The following SLC22A23 variants were observed in gnomAD, a reference collection of about 807,000 sequenced individuals.
SLC22A23 encodes the protein ion transporter protein.
In SLC22A23, 26 loss-of-function variants were observed where a neutral mutation model predicts 61.0. That is an observed-to-expected ratio of 0.43 (90% CI 0.31 to 0.59). The LOEUF is 0.59. Ranked by LOEUF, SLC22A23 falls within the 20% of genes least tolerant of loss-of-function variation. The pLI, the probability that SLC22A23 is intolerant of heterozygous loss-of-function variation, is 0.11. For missense variants in SLC22A23, 796 were observed against 934.7 expected, an observed-to-expected ratio of 0.85 and a Z score of 1.94; for synonymous variants, 430 against 413.9, an observed-to-expected ratio of 1.04 and a Z score of -0.47.
chr6:3,405,780 T>C (rs754986184), intron 3 of SLC22A23, among the ~76,000 whole-genome samples: 54 of 152,176 alleles, frequency 3.5e-4, no homozygotes, highest in Non-Finnish European at 5.9e-4. Flanking sequence ...ACATTAGAAA[T>C]TACTCAATCA....
At chr6:3,368,449 C>A (rs910389549) in intron 3 of SLC22A23, among the ~76,000 whole-genome samples, 1 of 152,106 alleles carries the variant, frequency 6.6e-6, no homozygotes, top group African/African-American at 2.4e-5. Flanking sequence ...GGGGAAGGAC[C>A]CGTAGCTGCC....
chr6:3,272,974 T>G lies in SLC22A23; in HGVS notation c.*81A>C, dbSNP rs1027179670. 97 of 1,300,466 alleles carry G rather than the reference T, an allele frequency of 7.5e-5. No homozygotes were observed. The African/African-American group carries it at 7.9e-4, about 11-fold the overall frequency. 80.6% of individuals were successfully genotyped at this position (1,300,466 alleles called of 1,614,324 possible). A position where few individuals can be genotyped will look rare whatever the true frequency, so the allele number is the denominator to read the frequency against. On this transcript the variant is annotated 3_prime_UTR_variant, in exon 10 of 10. Coordinates refer to ENST00000406686, the MANE Select transcript of SLC22A23 (RefSeq NM_015482.2). ...TTGGCTGAGGCAGCTTTCCCACCCC[T>G]GGCTGCGTGTTCGGTCCCTGGTCTG...
At chr6:3,399,627 G>A (rs377583860) in intron 3 of SLC22A23, among the ~76,000 whole-genome samples, 23 of 152,160 alleles carry the variant, frequency 1.5e-4, no homozygotes, top group Non-Finnish European at 2.1e-4. Flanking sequence ...GTTTACAGGC[G>A]TTTTTAGGGA....
chr6:3,404,076 A>G (rs1768624360), intron 3 of SLC22A23, among the ~76,000 whole-genome samples: 1 of 152,236 alleles, frequency 6.6e-6, no homozygotes, highest in Non-Finnish European at 1.5e-5. Context: ...TCCAGTCTGG[A>G]AAAAACCTAG....
At chr6:3,444,710 C>A in intron 1 of SLC22A23, 1 of 794,624 alleles carries the variant, frequency 1.3e-6, no homozygotes, top group Non-Finnish European at 1.5e-6. Flanking sequence ...GCCCGGTGAC[C>A]TGTTTTGTTT....
intron 3 of SLC22A23, among the ~76,000 whole-genome samples, chr6:3,338,416 G>A (rs998720129): frequency 2.0e-5 from 3 of 152,214 alleles, no homozygotes; most frequent in Non-Finnish European, 2.9e-5. Flanking sequence ...TGCAACCTCC[G>A]CCTCCCGGGT....
intron 4 of SLC22A23, among the ~76,000 whole-genome samples, chr6:3,307,941 C>T (rs1762101928): frequency 6.6e-6 from 1 of 152,150 alleles, no homozygotes; most frequent in Non-Finnish European, 1.5e-5. Flanking sequence ...ATGGGAGAAC[C>T]TAGAGGACAC....
At chr6:3,320,314 C>T (rs1397764546) in intron 4 of SLC22A23, among the ~76,000 whole-genome samples, 4 of 152,116 alleles carry the variant, frequency 2.6e-5, no homozygotes, top group Admixed American at 2.0e-4. Flanking sequence ...TCTACCATCT[C>T]GACCAGAAGA....
At chr6:3,379,831 A>C (rs1188126382) in intron 3 of SLC22A23, among the ~76,000 whole-genome samples, 3 of 152,236 alleles carry the variant, frequency 2.0e-5, no homozygotes, top group South Asian at 2.1e-4. Flanking sequence ...AGCTCCCAGC[A>C]GGGGCTTCAA....
intron 1 of SLC22A23, among the ~76,000 whole-genome samples, chr6:3,416,884 G>T (rs1212496162): frequency 1.3e-5 from 2 of 152,238 alleles, no homozygotes; most frequent in African/African-American, 4.8e-5. Flanking sequence ...GAGGTGTTCT[G>T]GGAGCAGAGG....
In SLC22A23 at chr6:3,414,031, G is replaced by A. The variant is rs924206852; in HGVS notation, c.758+1721C>T. Among the ~76,000 whole-genome samples the A allele has an allele frequency of 6.6e-6, 1 of 152,208 alleles. No homozygotes were observed. The highest frequency in any genetic ancestry group is 2.4e-5 in the African/African-American group (1 of 41,446). On this transcript the variant is annotated intron_variant, in intron 2 of 9. Coordinates refer to ENST00000406686, the MANE Select transcript of SLC22A23 (RefSeq NM_015482.2). This position sits in a 1 kb window ranked among gnomAD's most constrained non-coding sequence, Gnocchi z 5.1. Reference sequence around the variant, plus strand: ...AAGACCCAAACTCTTTTGTCCTCAGGCCTGGTGTGTGATCAGGGAGGCCAC... The same window carrying A: ...AAGACCCAAACTCTTTTGTCCTCAGACCTGGTGTGTGATCAGGGAGGCCAC...
intron 3 of SLC22A23, among the ~76,000 whole-genome samples, chr6:3,406,525 C>CCT (rs1182400013): frequency 6.9e-5 from 6 of 87,518 alleles, no homozygotes; most frequent in African/African-American, 3.4e-4. Flanking sequence ...TTTTCGACTG[C>CCT]CTGTGTGTGT....
intron 4 of SLC22A23, among the ~76,000 whole-genome samples, chr6:3,319,001 A>T (rs1762797964): frequency 6.6e-6 from 1 of 152,172 alleles, no homozygotes; most frequent in Non-Finnish European, 1.5e-5. Flanking sequence ...AGGCACCAGG[A>T]TGTCACACAG....
At chr6:3,275,828 C>T (rs556462932) in intron 9 of SLC22A23, among the ~76,000 whole-genome samples, 183 of 152,340 alleles carry the variant, frequency 1.2e-3, no homozygotes, top group South Asian at 6.0e-3. Context: ...GTGATCCACC[C>T]GCCTTGGCCT....
In SLC22A23 at chr6:3,343,667, G is replaced by A. The variant is rs776045931; in HGVS notation, c.914-19665C>T. On this transcript the variant is annotated intron_variant, in intron 3 of 9. Coordinates refer to ENST00000406686, the MANE Select transcript of SLC22A23 (RefSeq NM_015482.2). ...AATACTCAGCAGCCGGCCAAATGTC[G>A]AAAGACCCTAGGTCGCTCTTGAATT... 2.6e-5 allele frequency among the ~76,000 whole-genome samples: 4 copies of A among 152,120 alleles called. No individual in the cohort carries two copies. In the South Asian group the frequency reaches 6.2e-4, roughly 24 times the overall value.
intron 1 of SLC22A23, among the ~76,000 whole-genome samples, chr6:3,443,493 C>A (rs2127553410): frequency 6.6e-6 from 1 of 152,300 alleles, no homozygotes; most frequent in East Asian, 1.9e-4. Flanking sequence ...TAATTCCACA[C>A]TCAGCTCAAG....
rs1772382673 is a variant in SLC22A23, at chr6:3,455,966, A to G, written c.594T>C (p.Cys198=). Residue 198 remains cysteine, a synonymous_variant, in exon 1 of 10, where the codon TGT becomes TGC. Coordinates refer to ENST00000406686, the MANE Select transcript of SLC22A23 (RefSeq NM_015482.2). ...PPDKGDNASN[C]DCRAWDYGIR... ...TGCCGTAGTCCCATGCGCGGCAGTC[A>G]CAGTTGGAGGCGTTGTCCCCCTTGT... 2.6e-6 allele frequency: 4 copies of G among 1,540,810 alleles called. No homozygotes were observed. In the East Asian group the frequency reaches 9.8e-5, roughly 38 times the overall value.
intron 3 of SLC22A23, among the ~76,000 whole-genome samples, chr6:3,402,746 T>A (rs1434781763): frequency 6.6e-6 from 1 of 152,226 alleles, no homozygotes; most frequent in Non-Finnish European, 1.5e-5. Flanking sequence ...GGTGTGTCTC[T>A]GCCTCTTCAC....
rs9391990 is a variant in SLC22A23, at chr6:3,352,580, C to G, written c.914-28578G>C. On this transcript the variant is annotated intron_variant, in intron 3 of 9. Transcript: ENST00000406686. ...GCCATAACAAAAGGGAGAAAAGGCT[C>G]TGATCTCTGCCATTCTTGTTTTTCC... is the stretch of plus-strand genomic sequence containing the variant. Among the ~76,000 whole-genome samples, 3 of 152,306 alleles carry G rather than the reference C, an allele frequency of 2.0e-5. No homozygotes were observed. In the East Asian group the frequency reaches 5.8e-4, roughly 29 times the overall value.
Sources: gnomAD v4.1 joint callset for allele counts (sites outside exome capture counted in the v4.1 genomes callset) on GRCh38, gnomAD v4.1.1 for gene constraint, Gnocchi (gnomAD v3.1) non-coding constraint, MANE v1.5 for transcripts, NCBI Gene and HGNC (gene_info 2026-07-23, HGNC 2026-07-21) for gene names.